Variants in SGCD observed in about 807,000 individuals in gnomAD.
SGCD encodes the protein delta-sarcoglycan.
Under a neutral mutation model 36.6 loss-of-function variants are expected in SGCD, and 18 were observed. That is an observed-to-expected ratio of 0.49 (90% CI 0.34 to 0.73). SGCD has a LOEUF of 0.73. Among genes scored for constraint, SGCD ranks in the 30% least tolerant of loss-of-function variants. The pLI is 0.01. For synonymous variants in SGCD, 133 were observed against 130.6 expected, an observed-to-expected ratio of 1.02 and a Z score of -0.12; for missense variants, 387 against 346.7, an observed-to-expected ratio of 1.12 and a Z score of -0.92.
intron 1 of SGCD, among the ~76,000 whole-genome samples, chr5:156,013,517 A>G (rs1249156578): frequency 6.6e-6 from 1 of 152,154 alleles, no homozygotes; most frequent in East Asian, 1.9e-4. Context: ...CAGGGACACT[A>G]TCAGTTTTTA....
intron 3 of SGCD, among the ~76,000 whole-genome samples, chr5:156,263,948 T>C (rs1407673780): frequency 1.3e-5 from 2 of 152,130 alleles, no homozygotes; most frequent in Non-Finnish European, 2.9e-5. Context: ...TGTGTTGTTC[T>C]ATGTGCCTAT....
intron 1 of SGCD, among the ~76,000 whole-genome samples, chr5:155,964,794 T>C (rs1757870244): frequency 6.6e-6 from 1 of 152,108 alleles, no homozygotes; most frequent in Non-Finnish European, 1.5e-5. Context: ...CATTGTGTGG[T>C]GAGAACAAGT....
chr5:156,456,946 T>C (rs1754289676), intron 3 of SGCD, among the ~76,000 whole-genome samples: 1 of 152,180 alleles, frequency 6.6e-6, no homozygotes, highest in Non-Finnish European at 1.5e-5. Flanking sequence ...AGTAAAAAAA[T>C]CACATTAAAC....
chr5:156,335,675 C>G (rs140948337), intron 2 of SGCD, among the ~76,000 whole-genome samples: 1 of 152,170 alleles, frequency 6.6e-6, no homozygotes. Flanking sequence ...GCCCTCCAAG[C>G]CTTCTATCCT....
At chr5:156,267,708 GC>G (rs143810910) in intron 3 of SGCD, among the ~76,000 whole-genome samples, 9,057 of 152,178 alleles carry the variant, frequency 0.06, 859 homozygotes, top group African/African-American at 0.2. Flanking sequence ...AAAAGTTTAG[GC>G]CTACTGGTAG....
the SGCD span, among the ~76,000 whole-genome samples, chr5:155,797,992 C>G: frequency 6.6e-6 from 1 of 152,160 alleles, no homozygotes; most frequent in Non-Finnish European, 1.5e-5. Flanking sequence ...GCAAACTCTT[C>G]ATTTGTTCAG....
chr5:156,335,729 T>G (rs1360083183), intron 2 of SGCD, among the ~76,000 whole-genome samples: 2 of 152,176 alleles, frequency 1.3e-5, no homozygotes, highest in African/African-American at 4.8e-5. Flanking sequence ...TGGCTGCTTA[T>G]GCTGAAACCT....
chr5:156,574,326 A>T (rs2113301695), intron 4 of SGCD, among the ~76,000 whole-genome samples: 1 of 152,132 alleles, frequency 6.6e-6, no homozygotes, highest in South Asian at 2.1e-4. Context: ...TGCCAAATTA[A>T]CCCCCTATTT....
intron 3 of SGCD, among the ~76,000 whole-genome samples, chr5:156,300,308 G>T (rs140318507): frequency 6.6e-6 from 1 of 151,758 alleles, no homozygotes; most frequent in South Asian, 2.1e-4. Flanking sequence ...ATGGGTTTTG[G>T]TATATTGTTT....
At chr5:156,045,246 A>T (rs962526967) in intron 1 of SGCD, among the ~76,000 whole-genome samples, 1 of 152,158 alleles carries the variant, frequency 6.6e-6, no homozygotes, top group South Asian at 2.1e-4. Context: ...AACTTTCAAC[A>T]AAAGTTTTGG....
At chr5:156,273,771 A>G (rs1766243468) in intron 3 of SGCD, among the ~76,000 whole-genome samples, 1 of 152,140 alleles carries the variant, frequency 6.6e-6, no homozygotes, top group African/African-American at 2.4e-5. Context: ...TTATCACACG[A>G]TCCTAGAAGA....
the SGCD span, among the ~76,000 whole-genome samples, chr5:155,736,327 T>C: frequency 0.024 from 3,607 of 152,286 alleles, 70 homozygotes; most frequent in South Asian, 0.036. Flanking sequence ...AGACTCTGAT[T>C]ATTCAAGGAA....
intron 7 of SGCD, among the ~76,000 whole-genome samples, chr5:156,657,890 G>A (rs1581348461): frequency 2.3e-5 from 3 of 127,772 alleles, no homozygotes; most frequent in Non-Finnish European, 4.9e-5. Flanking sequence ...TTGATCATCT[G>A]TGGGTGTTTC....
intron 3 of SGCD, among the ~76,000 whole-genome samples, chr5:156,353,113 A>G (rs74421613): frequency 0.014 from 2,144 of 152,352 alleles, 23 homozygotes; most frequent in Non-Finnish European, 0.023. Context: ...GGACCCTGAC[A>G]CATCATCTGT....
chr5:156,087,202 T>C (rs967070877), intron 1 of SGCD, among the ~76,000 whole-genome samples: 41 of 152,314 alleles, frequency 2.7e-4, no homozygotes, highest in African/African-American at 9.1e-4. Flanking sequence ...ATTGATCTAG[T>C]GGAAATGTAG....
intron 3 of SGCD, among the ~76,000 whole-genome samples, chr5:156,380,451 G>A (rs1770919247): frequency 6.6e-6 from 1 of 152,222 alleles, no homozygotes; most frequent in Non-Finnish European, 1.5e-5. Flanking sequence ...GGAGGAGCAA[G>A]CACAGTTTTC....
intron 6 of SGCD, among the ~76,000 whole-genome samples, chr5:156,596,959 A>G (rs1760951449): frequency 6.6e-6 from 1 of 152,260 alleles, no homozygotes; most frequent in East Asian, 1.9e-4. Context: ...CATCCTGGCC[A>G]TCATGAGCTC....
chr5:156,082,221 G>A (rs1760972996), intron 1 of SGCD, among the ~76,000 whole-genome samples: 1 of 148,794 alleles, frequency 6.7e-6, no homozygotes, highest in African/African-American at 2.5e-5. Flanking sequence ...CCTGTGCTTT[G>A]GTAAGGAGGG....
chr5:155,789,337 T>C, the SGCD span, among the ~76,000 whole-genome samples: 1 of 152,142 alleles, frequency 6.6e-6, no homozygotes, highest in East Asian at 1.9e-4. Flanking sequence ...AAATTTGCAT[T>C]GAACTAATTT....
Sources: gnomAD v4.1 joint callset for allele counts (sites outside exome capture counted in the v4.1 genomes callset) on GRCh38, gnomAD v4.1.1 for gene constraint, MANE v1.5 for transcripts, NCBI Gene and HGNC (gene_info 2026-07-23, HGNC 2026-07-21) for gene names.